MPDZ: variants seen among roughly 807,000 people sequenced by gnomAD.
The protein encoded by MPDZ is multiple PDZ domain protein.
A neutral mutation model predicts 239.1 loss-of-function variants in MPDZ; 234 were observed. That is an observed-to-expected ratio of 0.98 (90% CI 0.88 to 1.09). The LOEUF is 1.09. Ranked by LOEUF, MPDZ falls within the 50% of genes least tolerant of loss-of-function variation. The pLI, the probability that MPDZ is intolerant of heterozygous loss-of-function variation, is 0.00. For missense variants in MPDZ, 3,175 were observed against 2,510.0 expected (o/e 1.26, Z -5.66); for synonymous variants, 1,048 against 881.3 (o/e 1.19, Z -3.35).
intron 10 of MPDZ, among the ~76,000 whole-genome samples, chr9:13,212,411 A>G (rs1184464408): frequency 1.3e-5 from 2 of 152,106 alleles, no homozygotes; most frequent in African/African-American, 2.4e-5. Context: ...GAAGATACTC[A>G]GAAGCTGGTT....
intron 3 of MPDZ, among the ~76,000 whole-genome samples, chr9:13,241,706 C>G (rs1965445601): frequency 6.6e-6 from 1 of 152,176 alleles, no homozygotes; most frequent in Non-Finnish European, 1.5e-5. Flanking sequence ...ATGCTCAGTT[C>G]ACAAAGTTTC....
intron 38 of MPDZ, chr9:13,120,519 T>C (rs1944183639): frequency 6.6e-6 from 1 of 152,190 alleles, no homozygotes; most frequent in Non-Finnish European, 1.5e-5. Flanking sequence ...ATGTTACCCA[T>C]GTCATATTTC....
At chr9:13,157,869 T>C in intron 24 of MPDZ, 149 bp downstream of exon 24, 1 of 661,744 alleles carries the variant, frequency 1.5e-6, no homozygotes, top group Non-Finnish European at 2.7e-6. Context: ...CTCTCCACTG[T>C]ATACATTAAA....
chr9:13,261,835 C>T lies in MPDZ; in HGVS notation c.-57-11463G>A, dbSNP rs941886704. On this transcript the variant is annotated intron_variant, in intron 1 of 46. Transcript: ENST00000319217. ...TCACTTTTAGCCAGGAGCTCAAAAC[C>T]AGCCTGGCCAACAAAGTGAGACCTG... 5.6e-5 allele frequency among the ~76,000 whole-genome samples: 8 copies of T among 143,632 alleles called. No individual in the cohort carries two copies. The East Asian group carries it at 6.1e-4, about 11-fold the overall frequency. 94.2% of individuals were successfully genotyped at this position (143,632 alleles called of 152,430 possible).
chr9:13,248,876 G>C (rs2137876931), intron 2 of MPDZ, among the ~76,000 whole-genome samples: 1 of 147,624 alleles, frequency 6.8e-6, no homozygotes, highest in East Asian at 2.0e-4. Context: ...AGGAGGCTGA[G>C]GCAAGAAAAT....
intron 16 of MPDZ, among the ~76,000 whole-genome samples, chr9:13,189,531 T>C (rs928513150): frequency 1.3e-5 from 2 of 152,104 alleles, no homozygotes. Context: ...TCAGGCCCTA[T>C]GAACACAACT....
chr9:13,231,209 G>A (rs967593737), intron 3 of MPDZ, among the ~76,000 whole-genome samples: 2 of 151,964 alleles, frequency 1.3e-5, no homozygotes, highest in Non-Finnish European at 2.9e-5. Flanking sequence ...ATAACCATAT[G>A]CAAAAAAATG....
At chr9:13,162,905 T>C (rs1360271371) in intron 22 of MPDZ, 110 bp from the exon 23 acceptor site, 1 of 671,332 alleles carries the variant, frequency 1.5e-6, no homozygotes, top group African/African-American at 1.8e-5. Flanking sequence ...TTCTCCCTAC[T>C]TTTTCATACA....
At chr9:13,252,997 T>A (rs1382111030) in intron 1 of MPDZ, among the ~76,000 whole-genome samples, 1 of 152,272 alleles carries the variant, frequency 6.6e-6, no homozygotes, top group Admixed American at 6.5e-5. Context: ...AAATTATACA[T>A]GTGTTTGGTA....
rs141483462 is a variant in MPDZ, at chr9:13,112,193, T to C, written c.5602-47A>G. The C allele has an allele frequency of 5.8e-4, 900 of 1,546,594 alleles. 10 individuals are homozygous for C. In the African/African-American group the frequency reaches 0.011, roughly 19 times the overall value. ...ATTTTGGTCAAAGTGATATTTTTCA[T>C]TGACCTTTTGTTTATTCTTTGGCAT... is the stretch of plus-strand genomic sequence containing the variant. On this transcript the variant is annotated intron_variant, in intron 42 of 46. Transcript: ENST00000319217.
At chr9:13,118,886 T>C (rs189970817) in intron 39 of MPDZ, among the ~76,000 whole-genome samples, 13 of 152,278 alleles carry the variant, frequency 8.5e-5, no homozygotes, top group African/African-American at 2.9e-4. Context: ...TAGAATGATA[T>C]CTAGGGATGG....
intron 13 of MPDZ, 34 bp from the exon 14 acceptor site, chr9:13,193,347 T>C: frequency 6.4e-7 from 1 of 1,563,686 alleles, no homozygotes; most frequent in Non-Finnish European, 8.6e-7. Context: ...ACCACAATTT[T>C]TATATTCTTT....
intron 26 of MPDZ, among the ~76,000 whole-genome samples, chr9:13,144,415 A>T (rs1012196138): frequency 2.7e-5 from 4 of 148,818 alleles, no homozygotes; most frequent in Non-Finnish European, 4.5e-5. Context: ...TTCATAGTTT[A>T]AAAAAAAAAG....
intron 13 of MPDZ, 35 bp from the exon 14 acceptor site, chr9:13,193,348 T>C: frequency 1.3e-6 from 2 of 1,563,852 alleles, no homozygotes; most frequent in Non-Finnish European, 1.7e-6. Context: ...CCACAATTTT[T>C]ATATTCTTTT....
intron 8 of MPDZ, among the ~76,000 whole-genome samples, chr9:13,218,901 C>T (rs1338334697): frequency 1.3e-5 from 2 of 151,782 alleles, no homozygotes; most frequent in African/African-American, 4.8e-5. Flanking sequence ...AATTCTCTAG[C>T]TTTTTTCATA....
intron 2 of MPDZ, among the ~76,000 whole-genome samples, chr9:13,249,129 C>T (rs1484444006): frequency 6.7e-6 from 1 of 148,348 alleles, no homozygotes; most frequent in East Asian, 2.1e-4. Flanking sequence ...CACACACACA[C>T]ACACACACAA....
chr9:13,262,944 A>T (rs1321915459), intron 1 of MPDZ, among the ~76,000 whole-genome samples: 1 of 152,208 alleles, frequency 6.6e-6, no homozygotes, highest in African/African-American at 2.4e-5. Flanking sequence ...ACACATTCTA[A>T]AATGACAGCA....
intron 8 of MPDZ, among the ~76,000 whole-genome samples, chr9:13,219,190 G>C (rs955984714): frequency 6.6e-6 from 1 of 151,792 alleles, no homozygotes; most frequent in African/African-American, 2.4e-5. Flanking sequence ...AGAATGATTA[G>C]AACTATGACC....
At chr9:13,201,579 C>G (rs1956394985) in intron 12 of MPDZ, among the ~76,000 whole-genome samples, 1 of 151,812 alleles carries the variant, frequency 6.6e-6, no homozygotes, top group Non-Finnish European at 1.5e-5. Context: ...TGATGGTATC[C>G]CATAATTCTC....
Sources: gnomAD v4.1 joint callset for allele counts (sites outside exome capture counted in the v4.1 genomes callset) on GRCh38, gnomAD v4.1.1 for gene constraint, MANE v1.5 for transcripts, NCBI Gene and HGNC (gene_info 2026-07-23, HGNC 2026-07-21) for gene names.